ITGAE: variants seen among roughly 807,000 people sequenced by gnomAD.
ITGAE encodes integrin alpha-E.
In ITGAE, 99 loss-of-function variants were observed where a neutral mutation model predicts 136.5. The ratio of observed to expected loss-of-function variants is 0.73; its 90% CI spans 0.62 to 0.86. The LOEUF is 0.86. ITGAE is among the 40% of genes least tolerant of loss of function. ITGAE has a pLI of 0.00. For synonymous variants in ITGAE, 613 were observed against 591.8 expected (o/e 1.04, Z -0.52); for missense variants, 1,447 against 1,515.3 (o/e 0.95, Z 0.75).
intron 26 of ITGAE, 193 bp from the exon 27 acceptor site, chr17:3,723,937 T>G: frequency 1.3e-6 from 2 of 1,551,074 alleles, no homozygotes; most frequent in Non-Finnish European, 1.7e-6. Context: ...GTGCCGGCCA[T>G]GGCGGCTTCG....
chr17:3,719,234 T>TAAAAAAAAAAAAAAAAAAAAAAAAAAA (rs2050999265), intron 29 of ITGAE, among the ~76,000 whole-genome samples: 4 of 34,838 alleles, frequency 1.1e-4, no homozygotes, highest in African/African-American at 3.6e-4. Context: ...AGATTCTTCC[T>TAAAAAAAAAAAAAAAAAAAAAAAAAAA]CAAAAAAAAA....
rs1555572871 is a variant in ITGAE at position 3,719,252 on chromosome 17, AAAAAG to A, written c.3333+1050_3333+1054del. Among the ~76,000 whole-genome samples, 815 of 129,286 alleles carry A rather than the reference AAAAAG, an allele frequency of 6.3e-3. 3 individuals are homozygous for A. Among genetic ancestry groups the A allele is most frequent in the African/African-American group, 0.027 (761 of 28,610 alleles). 84.8% of individuals were successfully genotyped at this position (129,286 alleles called of 152,430 possible). On this transcript the variant is annotated intron_variant, in intron 29 of 30. Coordinates refer to ENST00000263087, the MANE Select transcript of ITGAE (RefSeq NM_002208.5). The stretch of plus-strand genomic sequence containing the variant: ...TTCTTCCTCAAAAAAAAAAAAAAAA[AAAAAG>A]AAAAGAAAAGAAAAAGAAATACACT...
intron 22 of ITGAE, 23 bp from the exon 23 acceptor site, chr17:3,731,206 G>C: frequency 6.3e-7 from 1 of 1,590,832 alleles, no homozygotes; most frequent in Non-Finnish European, 8.6e-7. Flanking sequence ...GGGAAAAATG[G>C]TCAGTTGATT....
intron 1 of ITGAE, among the ~76,000 whole-genome samples, chr17:3,797,270 A>G (rs1168081193): frequency 6.9e-6 from 1 of 144,302 alleles, no homozygotes; most frequent in Non-Finnish European, 1.5e-5. Context: ...GGTTCACGCC[A>G]TTCTCCTGCC....
At chr17:3,735,989 C>CA (rs2051451200) in intron 20 of ITGAE, among the ~76,000 whole-genome samples, 1 of 152,048 alleles carries the variant, frequency 6.6e-6, no homozygotes, top group Non-Finnish European at 1.5e-5. Flanking sequence ...ACTAAAAATA[C>CA]AAAAAGTAGC....
intron 2 of ITGAE, among the ~76,000 whole-genome samples, chr17:3,768,828 G>A (rs1327794448): frequency 6.6e-6 from 1 of 152,138 alleles, no homozygotes; most frequent in African/African-American, 2.4e-5. Context: ...CTTCTTCACT[G>A]TGTTATTCCC....
At position 3,761,189 on chromosome 17, in the gene ITGAE, C is replaced by A. The variant is rs531344776; in HGVS notation, c.434-12G>T. ...ATCCAGGAGATTTTCTTTAAAAACA[C>A]ACATGGAAGAGCTCAGAGTCAGAAA... On this transcript the variant is annotated splice_polypyrimidine_tract_variant and intron_variant, in intron 5 of 30. Coordinates refer to ENST00000263087, the MANE Select transcript of ITGAE (RefSeq NM_002208.5). The A allele has an allele frequency of 1.2e-4, 178 of 1,504,798 alleles. 1 individual carries two copies. In the South Asian group the frequency reaches 1.8e-3, roughly 16 times the overall value. 93.2% of individuals were successfully genotyped at this position (1,504,798 alleles called of 1,614,324 possible).
rs767838623 is a variant in ITGAE at position 3,757,728 on chromosome 17, C to T, written c.998G>A (p.Gly333Asp). 1.7e-5 allele frequency: 28 copies of T among 1,614,014 alleles called. No individual in the cohort carries two copies. In the Admixed American group the frequency reaches 3.3e-4, roughly 19 times the overall value. ...TTVINSPKMQ[G>D]VERFAIGVGE... ...TACCCCAATGGCAAAGCGCTCAACA[C>T]CCTGCATTTTGGGGGAGTTGATGAC... The change falls in exon 9 of 31, where the codon GGT becomes GAT. Residue 333 changes from glycine to aspartate, a missense_variant. Coordinates refer to ENST00000263087, the MANE Select transcript of ITGAE (RefSeq NM_002208.5).
chr17:3,775,025 C>T (rs754515109), intron 2 of ITGAE, among the ~76,000 whole-genome samples: 64 of 152,056 alleles, frequency 4.2e-4, no homozygotes, highest in African/African-American at 8.9e-4. Context: ...ACTGCAGCCT[C>T]GACTCACCCG....
At chr17:3,722,820 G>C (rs1225880410) in intron 28 of ITGAE, among the ~76,000 whole-genome samples, 1 of 152,170 alleles carries the variant, frequency 6.6e-6, no homozygotes, top group East Asian at 1.9e-4. Context: ...TAATAAGCAG[G>C]GGAATGGCAC....
chr17:3,741,191 C>A (rs1162202946), intron 19 of ITGAE, among the ~76,000 whole-genome samples: 1 of 149,618 alleles, frequency 6.7e-6, no homozygotes, highest in East Asian at 2.0e-4. Flanking sequence ...CATTCTCCTG[C>A]CTCAGACTCC....
At chr17:3,737,329 G>A (rs537366720) in intron 20 of ITGAE, among the ~76,000 whole-genome samples, 22 of 152,192 alleles carry the variant, frequency 1.4e-4, no homozygotes, top group African/African-American at 5.3e-4. Context: ...AACAGTAGTG[G>A]AGAAGGAAAG....
intron 7 of ITGAE, among the ~76,000 whole-genome samples, 168 bp from the exon 8 acceptor site, chr17:3,759,721 G>C (rs947050191): frequency 6.6e-6 from 1 of 152,176 alleles, no homozygotes; most frequent in African/African-American, 2.4e-5. Flanking sequence ...GTGGAGAAGG[G>C]TGCGATAGTA....
At chr17:3,779,269 A>G (rs1172962883) in intron 1 of ITGAE, among the ~76,000 whole-genome samples, 2 of 152,146 alleles carry the variant, frequency 1.3e-5, no homozygotes, top group Non-Finnish European at 2.9e-5. Context: ...CATTTTGTTG[A>G]TATGTATGCT....
At chr17:3,740,373 C>T (rs2325724) in intron 19 of ITGAE, among the ~76,000 whole-genome samples, 91,852 of 152,010 alleles carry the variant, frequency 0.6, 29,255 homozygotes, top group African/African-American at 0.82. Context: ...TCTGTTTTTT[C>T]GGTTGTTTGT....
At chr17:3,757,584 A>C in intron 9 of ITGAE, 122 bp downstream of exon 9, 2 of 1,044,798 alleles carry the variant, frequency 1.9e-6, no homozygotes, top group Non-Finnish European at 2.8e-6. Flanking sequence ...GAAGAGGAGC[A>C]TTTGCAAATA....
At chr17:3,762,707 C>T (rs955588798) in intron 3 of ITGAE, among the ~76,000 whole-genome samples, 3 of 148,272 alleles carry the variant, frequency 2.0e-5, no homozygotes, top group Non-Finnish European at 4.5e-5. Context: ...ACGCCATTCT[C>T]CTGCCTCAGC....
At chr17:3,715,928 G>A (rs2737129) in intron 30 of ITGAE, among the ~76,000 whole-genome samples, 22,734 of 151,984 alleles carry the variant, frequency 0.15, 5,311 homozygotes, top group African/African-American at 0.5. Flanking sequence ...AGGCCGAGGC[G>A]GGAGGATCAC....
chr17:3,732,263 C>A, intron 22 of ITGAE, 105 bp downstream of exon 22: 1 of 879,574 alleles, frequency 1.1e-6, no homozygotes, highest in Non-Finnish European at 1.9e-6. Context: ...ACACTGCAGT[C>A]AAGCGAAGCG....
Sources: allele counts gnomAD v4.1 joint callset (sites outside exome capture counted in the v4.1 genomes callset), GRCh38; gene constraint gnomAD v4.1.1; transcripts MANE v1.5; gene names NCBI Gene and HGNC (gene_info 2026-07-23, HGNC 2026-07-21).